The following SLC22A12 variants were observed in gnomAD, a reference collection of about 807,000 sequenced individuals.
The protein encoded by SLC22A12 is solute carrier family 22 member 12, also known as organic anion transporter 4-like protein.
Under a neutral mutation model 52.7 loss-of-function variants are expected in SLC22A12, and 56 were observed. The ratio of observed to expected loss-of-function variants is 1.06; its 90% CI spans 0.86 to 1.33. SLC22A12 has a LOEUF of 1.33. Ranked by LOEUF, SLC22A12 falls within the 40% of genes most tolerant of loss-of-function variation. The pLI is 0.00. For synonymous variants in SLC22A12, 337 were observed against 324.6 expected, an observed-to-expected ratio of 1.04 and a Z score of -0.41; for missense variants, 683 against 741.5, an observed-to-expected ratio of 0.92 and a Z score of 0.92.
At chr11:64,596,222 G>GA in intron 4 of SLC22A12, among the ~76,000 whole-genome samples, 1 of 148,652 alleles carries the variant, frequency 6.7e-6, no homozygotes, top group Non-Finnish European at 1.5e-5. Flanking sequence ...TGAATGGATG[G>GA]ATGCATGGAT....
At position 64,601,509 on chromosome 11, in the gene SLC22A12, T is replaced by C. The variant is rs2135473332; in HGVS notation, c.1620T>C (p.His540=). 6.2e-7 allele frequency: 1 copy of C among 1,613,856 alleles called. No homozygotes were observed. Among genetic ancestry groups the C allele is most frequent in the Non-Finnish European group, 8.5e-7 (1 of 1,179,928 alleles). The stretch of plus-strand genomic sequence containing the variant: ...ACAGGGCAGTAAAGAAGGCAACACA[T>C]GGCACGCTGGGGAACTCTGTCCTAA... The part of the protein sequence containing the change: ...VQNQAVKKAT[H]GTLGNSVLKS... The change falls in exon 10 of 10, where the codon CAT becomes CAC. Residue 540 remains histidine (H), a synonymous_variant. Transcript: ENST00000377574.
At chr11:64,599,618 G>GC (rs1478723659) in intron 6 of SLC22A12, 58 bp from the exon 7 acceptor site, 9 of 56,452 alleles carry the variant, frequency 1.6e-4, no homozygotes, top group Admixed American at 8.0e-4. Context: ...TTCCCACCCT[G>GC]CCCACCACCC....
intron 2 of SLC22A12, 128 bp downstream of exon 2, chr11:64,593,010 G>T: frequency 1.3e-6 from 1 of 765,006 alleles, no homozygotes; most frequent in Non-Finnish European, 2.1e-6. Flanking sequence ...TGCTGGGTGT[G>T]GGTCTCGGAC....
chr11:64,595,864 A>G (rs375395708), intron 4 of SLC22A12, among the ~76,000 whole-genome samples: 51 of 57,448 alleles, frequency 8.9e-4, no homozygotes, highest in East Asian at 2.2e-3. Context: ...TGGATAGTTG[A>G]ATGGATGGAA....
At chr11:64,600,672 G>A (rs758631248) in intron 8 of SLC22A12, 63 bp from the exon 9 acceptor site, 1 of 1,596,896 alleles carries the variant, frequency 6.3e-7, no homozygotes, top group African/African-American at 1.3e-5. Flanking sequence ...GCCTGGCCCG[G>A]CGTGCAGGAT....
chr11:64,593,677 C>G lies in SLC22A12; in HGVS notation c.704C>G (p.Thr235Ser), dbSNP rs1275938458. The change falls in exon 4 of 10, where the codon ACC (threonine) becomes AGC (serine). Residue 235 changes from threonine (T) to serine (S), a missense_variant. By Grantham distance (58) the Thr-to-Ser change is moderately conservative (BLOSUM62 1). Coordinates refer to ENST00000377574, the MANE Select transcript of SLC22A12 (RefSeq NM_144585.4). ...GCACGGGCCCGACCCTTGGTGATGA[C>G]CTTGAACTCTCTGGGCTTCAGCTTC... ...TAARARPLVM[T>S]LNSLGFSFGH... is the part of the protein sequence containing the mutation. 6.2e-7 allele frequency: 1 copy of G among 1,614,050 alleles called. No individual in the cohort carries two copies.
At chr11:64,592,148 GC>G (rs2135440811) in intron 1 of SLC22A12, among the ~76,000 whole-genome samples, 190 bp downstream of exon 1, 1 of 152,258 alleles carries the variant, frequency 6.6e-6, no homozygotes, top group African/African-American at 2.4e-5. Context: ...TACAAATGGG[GC>G]CAGCCCAGGC....
chr11:64,595,080 A>T (rs2039081315), intron 4 of SLC22A12, among the ~76,000 whole-genome samples: 3 of 128,314 alleles, frequency 2.3e-5, no homozygotes, highest in South Asian at 3.1e-4. Flanking sequence ...GGATGGATAG[A>T]TGGATAGATG....
intron 4 of SLC22A12, among the ~76,000 whole-genome samples, chr11:64,595,956 ATGGATGGATGGAATGGATGGATGGT>A (rs2039184469): frequency 1.1e-5 from 1 of 93,648 alleles, no homozygotes. Context: ...GGATGGATGG[ATGGATGGATGGAATGGATGGATGGT>A]TGGAATAGAT....
chr11:64,594,211 C>T lies in SLC22A12; in HGVS notation c.830+408C>T, dbSNP rs149806035. Among the ~76,000 whole-genome samples the T allele has an allele frequency of 1.7e-3, 256 of 152,360 alleles. 1 individual carries two copies. The highest frequency in any genetic ancestry group is 6.0e-3 in the African/African-American group (251 of 41,588). On this transcript the variant is annotated intron_variant, in intron 4 of 9. Transcript: ENST00000377574. ...TAGGGGAGCGAGTGGAAAGATACAACACATGCCCGCACACACAGCGCACAG... is the reference window on the plus strand; with the variant it reads ...TAGGGGAGCGAGTGGAAAGATACAATACATGCCCGCACACACAGCGCACAG...
rs2039181726 is a variant in SLC22A12 at position 64,595,947 on chromosome 11, GAT to G, written c.830+2145_830+2146del. ...AGATGGATGGATGGATGGATGGATG[GAT>G]GGATGGATGGATGGATGGAATGGAT... On this transcript the variant is annotated intron_variant, in intron 4 of 9. Coordinates refer to ENST00000377574, the MANE Select transcript of SLC22A12 (RefSeq NM_144585.4). 4.2e-5 allele frequency among the ~76,000 whole-genome samples: 2 copies of G among 47,264 alleles called. 1 individual carries two copies. Among genetic ancestry groups the G allele is most frequent in the Non-Finnish European group, 1.5e-4 (2 of 13,138 alleles). 31.0% of individuals were successfully genotyped at this position (47,264 alleles called of 152,430 possible).
At chr11:64,597,987 A>T (rs2039306903) in intron 4 of SLC22A12, among the ~76,000 whole-genome samples, 1 of 152,132 alleles carries the variant, frequency 6.6e-6, no homozygotes, top group Non-Finnish European at 1.5e-5. Flanking sequence ...CCCTGGTCCC[A>T]GCCTGAGCCC....
chr11:64,601,865 C>T lies in SLC22A12; in HGVS notation c.*314C>T, dbSNP rs2039464875. On this transcript the variant is annotated 3_prime_UTR_variant, in exon 10 of 10. Transcript: ENST00000377574. ...CAGGGGAACGAGCTGGCCTTGCCAA[C>T]CCTCTGCTTGACTCCGCACTGCCAC... 1 of 402,764 alleles carries T rather than the reference C, an allele frequency of 2.5e-6. No individual in the cohort carries two copies. The highest frequency in any genetic ancestry group is 4.7e-6 in the Non-Finnish European group (1 of 211,668). The allele number at this position is 402,764 out of a possible 1,614,324, so 24.9% of individuals were successfully genotyped here. A position where few individuals can be genotyped will look rare whatever the true frequency, so the allele number is the denominator to read the frequency against.
chr11:64,595,986 A>C (rs1591395254), intron 4 of SLC22A12, among the ~76,000 whole-genome samples: 1 of 86,110 alleles, frequency 1.2e-5, no homozygotes, highest in South Asian at 4.1e-4. Flanking sequence ...GATGGTTGGA[A>C]TAGATGGAAT....
At position 64,593,634 on chromosome 11, in the gene SLC22A12, G is replaced by T. The variant is rs1267845048; in HGVS notation, c.662-1G>T. 1 of 1,614,100 alleles carries T rather than the reference G, an allele frequency of 6.2e-7. No homozygotes were observed. The highest frequency in any genetic ancestry group is 8.5e-7 in the Non-Finnish European group (1 of 1,180,060). On this transcript the variant is annotated splice_acceptor_variant, in intron 3 of 9. Coordinates refer to ENST00000377574, the MANE Select transcript of SLC22A12 (RefSeq NM_144585.4). LOFTEE classifies it high-confidence loss of function. ...GGCTGAACCACTCGGTCTCCTTGCA[G>T]TGATGGAGTGGACGGCGGCACGGGC...
Position 64,595,359 on chromosome 11 carries a change from ATGGATGGATGGATGGAT to A in SLC22A12, c.830+1557_830+1573del, listed in dbSNP as rs2039123454. 8.3e-5 allele frequency among the ~76,000 whole-genome samples: 2 copies of A among 24,022 alleles called. 1 individual carries two copies. The highest frequency in any genetic ancestry group is 4.6e-4 in the Non-Finnish European group (2 of 4,352). 15.8% of individuals were successfully genotyped at this position (24,022 alleles called of 152,430 possible). ...GTTGAATGGATGGTTGAATGGATGG[ATGGATGGATGGATGGAT>A]GGATGGATGGATGGATGGACGGACG... On this transcript the variant is annotated intron_variant, in intron 4 of 9. Transcript: ENST00000377574.
chr11:64,594,689 A>G (rs987907757), intron 4 of SLC22A12, among the ~76,000 whole-genome samples: 21 of 146,120 alleles, frequency 1.4e-4, no homozygotes, highest in African/African-American at 4.8e-4. Context: ...GGACGGATGG[A>G]TGGATGGATG....
chr11:64,595,023 T>TGGG (rs2039072611), intron 4 of SLC22A12, among the ~76,000 whole-genome samples: 1 of 11,694 alleles, frequency 8.6e-5, no homozygotes, highest in Non-Finnish European at 3.6e-4. Context: ...GGATGGATGG[T>TGGG]TGGAATAGAT....
At chr11:64,595,542 GGATGGATGGATGGATGGTTGGA>G (rs2039141524) in intron 4 of SLC22A12, among the ~76,000 whole-genome samples, 1 of 29,666 alleles carries the variant, frequency 3.4e-5, no homozygotes, top group Admixed American at 6.0e-4. Context: ...TGGTTGGAAT[GGATGGATGGATGGATGGTTGGA>G]ATGGATGGAT....
Sources: allele counts gnomAD v4.1 joint callset (sites outside exome capture counted in the v4.1 genomes callset), GRCh38; gene constraint gnomAD v4.1.1; transcripts MANE v1.5; gene names NCBI Gene and HGNC (gene_info 2026-07-23, HGNC 2026-07-21).